The following STON1 variants were observed in gnomAD, a reference collection of about 807,000 sequenced individuals.
STON1 encodes the protein stonin 1.
STON1 carries 79 observed loss-of-function variants against 60.9 expected under a neutral mutation model. The ratio of observed to expected loss-of-function variants is 1.30; its 90% CI spans 1.08 to 1.56. The LOEUF (loss-of-function observed/expected upper bound fraction) is 1.56. STON1 is among the 40% of genes most tolerant of loss of function. STON1 has a pLI of 0.00. For missense variants in STON1, 1,166 were observed against 858.9 expected (o/e 1.36, Z -4.47); for synonymous variants, 363 against 306.9 (o/e 1.18, Z -1.91).
chr2:48,594,165 C>G (rs1674676170), intron 3 of STON1, among the ~76,000 whole-genome samples: 1 of 152,146 alleles, frequency 6.6e-6, no homozygotes, highest in Admixed American at 6.5e-5. Flanking sequence ...ACGGCACTCT[C>G]CAGTAAACTT....
chr2:48,587,704 G>A (rs558335652), intron 2 of STON1, among the ~76,000 whole-genome samples: 2 of 152,288 alleles, frequency 1.3e-5, no homozygotes, highest in South Asian at 2.1e-4. Flanking sequence ...TTGTAAAACC[G>A]TCATATCACC....
At chr2:48,592,936 T>C (rs925441655) in intron 3 of STON1, among the ~76,000 whole-genome samples, 6 of 151,138 alleles carry the variant, frequency 4.0e-5, no homozygotes, top group Non-Finnish European at 7.4e-5. Context: ...TAGTTTTAAA[T>C]GTTTGCCATC....
intron 1 of STON1, among the ~76,000 whole-genome samples, chr2:48,580,234 C>T (rs111996968): frequency 3.3e-5 from 5 of 152,050 alleles, no homozygotes; most frequent in African/African-American, 9.7e-5. Context: ...ATAATTGTTG[C>T]GTCTTCCTAG....
At chr2:48,547,534 G>A (rs925021533) in intron 1 of STON1, among the ~76,000 whole-genome samples, 2 of 152,182 alleles carry the variant, frequency 1.3e-5, no homozygotes, top group East Asian at 1.9e-4. Context: ...ATGGTCGTGC[G>A]GGGTCAAAGC....
chr2:48,562,726 G>C (rs78576501), intron 1 of STON1, among the ~76,000 whole-genome samples: 2,047 of 152,244 alleles, frequency 0.013, 55 homozygotes, highest in African/African-American at 0.046. Flanking sequence ...GCTTATGAAG[G>C]AGGAGCTCCT....
chr2:48,554,023 G>A (rs74801531), intron 1 of STON1, among the ~76,000 whole-genome samples: 1 of 152,132 alleles, frequency 6.6e-6, no homozygotes, highest in Non-Finnish European at 1.5e-5. Flanking sequence ...GGAGAGATGG[G>A]TGTGGGGAGA....
intron 1 of STON1, among the ~76,000 whole-genome samples, chr2:48,537,027 A>C (rs773621458): frequency 6.6e-6 from 1 of 152,194 alleles, no homozygotes; most frequent in African/African-American, 2.4e-5. Context: ...GCATATAGAT[A>C]ATTCTTGAAT....
In STON1 at chr2:48,580,901, G is replaced by C; in HGVS notation, c.268G>C (p.Gly90Arg). ...PLSTPTKDFP[G>R]FPGIPKAGTH... ...TTCTACACCTACCAAAGACTTCCCA[G>C]GTTTTCCTGGCATCCCCAAAGCAGG... is the stretch of plus-strand genomic sequence containing the variant. The change falls in exon 2 of 4, where the codon GGT becomes CGT. Residue 90 changes from glycine to arginine, a missense_variant. Transcript: ENST00000404752. 3.1e-6 allele frequency: 5 copies of C among 1,594,516 alleles called. No individual in the cohort carries two copies. Among genetic ancestry groups the C allele is most frequent in the Non-Finnish European group, 4.3e-6 (5 of 1,172,144 alleles).
intron 1 of STON1, among the ~76,000 whole-genome samples, chr2:48,555,521 C>A (rs1402968192): frequency 3.1e-5 from 2 of 64,232 alleles, no homozygotes; most frequent in Non-Finnish European, 6.5e-5. Flanking sequence ...ACCTCCCTCA[C>A]GGACGAGGCG....
intron 3 of STON1, among the ~76,000 whole-genome samples, 170 bp from the exon 4 acceptor site, chr2:48,595,058 G>A (rs181935884): frequency 1.3e-5 from 2 of 152,318 alleles, no homozygotes; most frequent in East Asian, 3.9e-4. Flanking sequence ...TGTTCAAAAG[G>A]AGAGCAGAGC....
At chr2:48,567,655 G>C (rs766090630) in intron 1 of STON1, among the ~76,000 whole-genome samples, 11 of 152,060 alleles carry the variant, frequency 7.2e-5, no homozygotes, top group Non-Finnish European at 1.3e-4. Context: ...TGCCCGCCTC[G>C]GCCTCCCAAA....
rs780215211 is a variant in STON1, at chr2:48,582,214, C to A, written c.1581C>A (p.Pro527=). The change falls in exon 2 of 4, where the codon CCC becomes CCA. Residue 527 remains proline, a synonymous_variant. Coordinates refer to ENST00000404752, the MANE Select transcript of STON1 (RefSeq NM_006873.4). ...FKTLYNGDNL[P]FSLKSVVVVQ... is the part of the protein sequence containing the mutation. Reference sequence around the variant, plus strand: ...CTTTGTATAATGGGGATAATCTTCCCTTTTCCTTGAAGTCTGTAGTGGTTG... The same window carrying A: ...CTTTGTATAATGGGGATAATCTTCCATTTTCCTTGAAGTCTGTAGTGGTTG... 16 of 1,614,198 alleles carry A rather than the reference C, an allele frequency of 9.9e-6. No homozygotes were observed. The Admixed American group carries it at 2.7e-4, about 27-fold the overall frequency.
In STON1 at chr2:48,591,734, C is replaced by G. The variant is rs749263063; in HGVS notation, c.2012C>G (p.Ala671Gly). ...QEIPSDWYPF[A>G]TVQFSVPDTC... ...ATTCCCTCTGATTGGTATCCATTTG[C>G]TACTGTTCAGTTTTCCGTGCCTGAC... The change falls in exon 3 of 4, where the codon GCT (alanine) becomes GGT (glycine). Residue 671 changes from alanine (A) to glycine (G), a missense_variant. Transcript: ENST00000404752. The G allele has an allele frequency of 1.2e-6, 2 of 1,614,130 alleles. No individual in the cohort carries two copies. Among genetic ancestry groups the G allele is most frequent in the South Asian group, 2.2e-5 (2 of 91,078 alleles).
intron 1 of STON1, among the ~76,000 whole-genome samples, chr2:48,534,298 G>A (rs2177488): frequency 0.16 from 23,897 of 151,822 alleles, 2,976 homozygotes; most frequent in East Asian, 0.71. Context: ...ACTCTTTGAG[G>A]TAAATATTAC....
At chr2:48,554,771 C>T (rs1186091096) in intron 1 of STON1, among the ~76,000 whole-genome samples, 3 of 104,576 alleles carry the variant, frequency 2.9e-5, no homozygotes, top group Non-Finnish European at 5.8e-5. Flanking sequence ...GTGTTTCTCA[C>T]AGAGGGGGAT....
At chr2:48,541,522 A>T (rs1671650622) in intron 1 of STON1, among the ~76,000 whole-genome samples, 1 of 109,312 alleles carries the variant, frequency 9.1e-6, no homozygotes, top group Non-Finnish European at 1.8e-5. Flanking sequence ...CATCTCTACT[A>T]AAAAAAAAAA....
In STON1 at chr2:48,582,428, C is replaced by T. The variant is rs147440328; in HGVS notation, c.1795C>T (p.Arg599Cys). Residue 599 changes from arginine to cysteine, a missense_variant, in exon 2 of 4, where the codon CGC (arginine) becomes TGC (cysteine). Coordinates refer to ENST00000404752, the MANE Select transcript of STON1 (RefSeq NM_006873.4). ...RQKSLKAKMN[R>C]RACLGSLQEL... ...GAAGTCTCTGAAAGCTAAAATGAAC[C>T]GCCGAGCATGTCTGGGGAGTTTACA... 44 of 1,614,134 alleles carry T rather than the reference C, an allele frequency of 2.7e-5. No individual in the cohort carries two copies. Among genetic ancestry groups the T allele is most frequent in the East Asian group, 6.7e-5 (3 of 44,872 alleles).
chr2:48,586,374 C>G (rs546227143), intron 2 of STON1, among the ~76,000 whole-genome samples: 46 of 152,272 alleles, frequency 3.0e-4, no homozygotes, highest in African/African-American at 1.1e-3. Context: ...CTACCAGAAA[C>G]TTAACAGTCT....
In STON1 at chr2:48,580,054, C is replaced by G. The variant is rs142416799; in HGVS notation, c.-47-533C>G. Among the ~76,000 whole-genome samples the G allele has an allele frequency of 6.1e-3, 930 of 152,150 alleles. 4 individuals carry two copies. Among genetic ancestry groups the G allele is most frequent in the Non-Finnish European group, 9.1e-3 (621 of 68,002 alleles). On this transcript the variant is annotated intron_variant, in intron 1 of 3. Coordinates refer to ENST00000404752, the MANE Select transcript of STON1 (RefSeq NM_006873.4). ...CCTGAGTAGCTGGGATTACAGGTGC[C>G]CACCACCATGCTTGGCTAATTTTTG...
Sources: gnomAD v4.1 joint callset for allele counts (sites outside exome capture counted in the v4.1 genomes callset) on GRCh38, gnomAD v4.1.1 for gene constraint, MANE v1.5 for transcripts, NCBI Gene and HGNC (gene_info 2026-07-23, HGNC 2026-07-21) for gene names.